Variants in SYTL3 observed in about 807,000 individuals in gnomAD.
SYTL3 encodes synaptotagmin-like protein 3.
Under a neutral mutation model 82.1 loss-of-function variants are expected in SYTL3, and 88 were observed. That is an observed-to-expected ratio of 1.07 (90% confidence interval 0.90 to 1.28). The LOEUF (loss-of-function observed/expected upper bound fraction) is 1.28, where lower values mean the gene tolerates loss of function less well. Among genes scored for constraint, SYTL3 ranks in the 50% most tolerant of loss-of-function variants. The pLI, the probability that SYTL3 is intolerant of heterozygous loss-of-function variation, is 0.00. For synonymous variants in SYTL3, 311 were observed against 289.4 expected (o/e 1.07, Z -0.76); for missense variants, 831 against 757.6 (o/e 1.10, Z -1.14).
At chr6:158,649,793 G>A (rs1787771414), upstream of SYTL3, among the ~76,000 whole-genome samples, 1 of 152,220 alleles carries the variant, frequency 6.6e-6, no homozygotes, top group African/African-American at 2.4e-5. Context: ...CCTTAGGAAG[G>A]GTGAAACATT....
upstream of SYTL3, among the ~76,000 whole-genome samples, chr6:158,647,279 A>G (rs530579629): frequency 6.6e-6 from 1 of 152,364 alleles, no homozygotes; most frequent in South Asian, 2.1e-4. Flanking sequence ...CCACTCTCCA[A>G]TTTTAACTAT....
chr6:158,660,279 C>CA (rs1190820706), intron 2 of SYTL3, among the ~76,000 whole-genome samples: 25 of 151,700 alleles, frequency 1.6e-4, no homozygotes, highest in East Asian at 1.4e-3. Context: ...ACAACAACAA[C>CA]AACAAAAAAC....
chr6:158,667,227 GAC>G (rs1263101330), intron 5 of SYTL3, among the ~76,000 whole-genome samples: 2 of 152,232 alleles, frequency 1.3e-5, no homozygotes, highest in Admixed American at 6.5e-5. Context: ...CCAGGAAGCT[GAC>G]AGTGTTGAAA....
chr6:158,690,916 A>AT (rs1779793884), intron 6 of SYTL3, among the ~76,000 whole-genome samples: 1 of 152,150 alleles, frequency 6.6e-6, no homozygotes, highest in East Asian at 1.9e-4. Flanking sequence ...ATCCACGGGC[A>AT]TTTGGCAATC....
chr6:158,731,694 C>T (rs534830990), intron 11 of SYTL3, among the ~76,000 whole-genome samples: 8 of 152,226 alleles, frequency 5.3e-5, no homozygotes, highest in Non-Finnish European at 7.4e-5. Flanking sequence ...CCCGGGTTCA[C>T]GCCATTCTCC....
intron 11 of SYTL3, among the ~76,000 whole-genome samples, chr6:158,735,647 C>T (rs1274583015): frequency 6.6e-6 from 1 of 152,158 alleles, no homozygotes; most frequent in African/African-American, 2.4e-5. Flanking sequence ...AAACAAAAAA[C>T]CCAGCTTATT....
intron 10 of SYTL3, among the ~76,000 whole-genome samples, chr6:158,723,648 T>A (rs767121758): frequency 5.9e-5 from 9 of 152,228 alleles, no homozygotes; most frequent in African/African-American, 1.7e-4. Context: ...TCCAGGACTT[T>A]CTTCTAGTAA....
chr6:158,682,965 C>G lies in SYTL3; in HGVS notation c.370C>G (p.Arg124Gly), dbSNP rs118086173. The G allele has an allele frequency of 1.3e-4, 203 of 1,613,064 alleles. 1 individual carries two copies. The East Asian group carries it at 4.5e-3, about 36-fold the overall frequency. Residue 124 changes from arginine (R) to glycine (G), a missense_variant, in exon 6 of 18, where the codon CGA becomes GGA. Transcript: ENST00000611299. ...IKTGEWFYEE[R>G]AKKFPTGGKH... ...AACTGGAGAATGGTTCTATGAGGAA[C>G]GAGCCAAGAAATTTCCAACTGGAGG...
chr6:158,669,782 C>T (rs765714705), intron 5 of SYTL3, among the ~76,000 whole-genome samples: 6 of 152,112 alleles, frequency 3.9e-5, no homozygotes, highest in Non-Finnish European at 8.8e-5. Flanking sequence ...TGGAATTTAT[C>T]AAAAGGGAGG....
At chr6:158,741,471 A>G (rs534013764) in intron 11 of SYTL3, among the ~76,000 whole-genome samples, 1 of 152,252 alleles carries the variant, frequency 6.6e-6, no homozygotes, top group African/African-American at 2.4e-5. Context: ...CAGGCGTTTC[A>G]ATTTTTGGTG....
chr6:158,700,685 T>C (rs752792836), intron 6 of SYTL3, among the ~76,000 whole-genome samples: 46 of 152,236 alleles, frequency 3.0e-4, no homozygotes, highest in Middle Eastern at 3.4e-3. Flanking sequence ...GGAGCGATCT[T>C]GGCTCACTGC....
At chr6:158,720,975 T>G (rs955782070) in intron 10 of SYTL3, among the ~76,000 whole-genome samples, 1 of 152,028 alleles carries the variant, frequency 6.6e-6, no homozygotes, top group Admixed American at 6.6e-5. Context: ...GCACGCCCCC[T>G]CCCCTGCTGC....
intron 13 of SYTL3, among the ~76,000 whole-genome samples, chr6:158,752,979 T>C (rs567563378): frequency 1.3e-5 from 2 of 152,162 alleles, no homozygotes; most frequent in East Asian, 1.9e-4. Flanking sequence ...AGAGAGTCCT[T>C]AGAAATACAG....
chr6:158,663,010 AC>A lies in SYTL3; in HGVS notation c.-253del, dbSNP rs894913590. On this transcript the variant is annotated 5_prime_UTR_variant, in exon 4 of 18. It introduces an in-frame stop codon into an upstream open reading frame of the 5' UTR. Coordinates refer to ENST00000611299, the MANE Select transcript of SYTL3 (RefSeq NM_001242394.2). ...AGCTGCTGCAGAACCCGGTGAAAAC[AC>A]CCCCCGGGTAGCACGAGGCTCTGCG... 3 of 351,928 alleles carry A rather than the reference AC, an allele frequency of 8.5e-6. No individual in the cohort carries two copies. The highest frequency in any genetic ancestry group is 6.1e-5 in the South Asian group (1 of 16,520). 21.8% of individuals were successfully genotyped at this position (351,928 alleles called of 1,614,324 possible). A position where few individuals can be genotyped will look rare whatever the true frequency, so the allele number is the denominator to read the frequency against.
upstream of SYTL3, among the ~76,000 whole-genome samples, chr6:158,646,501 G>C (rs1787471317): frequency 6.6e-6 from 1 of 152,190 alleles, no homozygotes; most frequent in African/African-American, 2.4e-5. Flanking sequence ...TTTCCCTCAT[G>C]GGTGTTAGCT....
rs376033044 is a variant in SYTL3, at chr6:158,686,939, A to G, written c.394+3950A>G. Among the ~76,000 whole-genome samples, 14 of 152,284 alleles carry G rather than the reference A, an allele frequency of 9.2e-5. No homozygotes were observed. In the East Asian group the frequency reaches 1.4e-3, roughly 15 times the overall value. On this transcript the variant is annotated intron_variant, in intron 6 of 17. Transcript: ENST00000611299. ...TAATAGGGAGGCAACTGCAACCTCA[A>G]TTCTCTGATGTGTTCCGGAAAAAGT...
intron 11 of SYTL3, chr6:158,726,786 G>C (rs1479731416): frequency 5.6e-6 from 1 of 177,264 alleles, no homozygotes. Context: ...TCTGTTCAGA[G>C]TGCCATACTG....
chr6:158,662,815 T>G lies in SYTL3; in HGVS notation c.-454T>G, dbSNP rs1405066819. On this transcript the variant is annotated 5_prime_UTR_variant, in exon 4 of 18. It removes the in-frame stop codon of an upstream open reading frame in the 5' UTR. Coordinates refer to ENST00000611299, the MANE Select transcript of SYTL3 (RefSeq NM_001242394.2). ...CCTGGAAACATCTTAAATGGAAGGT[T>G]AGCTTCTATGAGTCACTGATACTCT... 6.5e-6 allele frequency: 1 copy of G among 152,928 alleles called. No individual in the cohort carries two copies. The highest frequency in any genetic ancestry group is 1.5e-5 in the Non-Finnish European group (1 of 68,568). The allele number at this position is 152,928 out of a possible 1,614,324, so 9.5% of individuals were successfully genotyped here.
chr6:158,665,699 C>A, intron 5 of SYTL3, 86 bp downstream of exon 5: 1 of 969,220 alleles, frequency 1.0e-6, no homozygotes, highest in Non-Finnish European at 1.5e-6. Context: ...AGAGAGCACT[C>A]ACTCCTCACC....
Sources: allele counts gnomAD v4.1 joint callset (sites outside exome capture counted in the v4.1 genomes callset), GRCh38; gene constraint gnomAD v4.1.1; transcripts MANE v1.5; gene names NCBI Gene and HGNC (gene_info 2026-07-23, HGNC 2026-07-21).